SOX5: variants seen among roughly 807,000 people sequenced by gnomAD.
The protein encoded by SOX5 is transcription factor SOX-5.
SOX5 carries 9 observed loss-of-function variants against 92.0 expected under a neutral mutation model. That is an observed-to-expected ratio of 0.10 (90% CI 0.06 to 0.17). The LOEUF (loss-of-function observed/expected upper bound fraction) is 0.17. Ranked by LOEUF, SOX5 falls within the 10% of genes least tolerant of loss-of-function variation. The pLI is 1.00. For missense variants in SOX5, 642 were observed against 944.5 expected, an observed-to-expected ratio of 0.68 and a Z score of 4.20; for synonymous variants, 344 against 336.3, an observed-to-expected ratio of 1.02 and a Z score of -0.25.
chr12:24,383,658 T>C (rs1381151332), intron 1 of SOX5, among the ~76,000 whole-genome samples: 2 of 152,178 alleles, frequency 1.3e-5, no homozygotes, highest in African/African-American at 2.4e-5. Context: ...TCCAGCGTCA[T>C]GGTATCACCA....
chr12:23,762,611 A>AG (rs1250523578), intron 3 of SOX5: 9 of 430,352 alleles, frequency 2.1e-5, no homozygotes, highest in East Asian at 1.8e-4. Flanking sequence ...TTAATACAAA[A>AG]AGAAAAAAAA....
At chr12:24,111,276 C>A (rs1343409004) in intron 4 of SOX5, among the ~76,000 whole-genome samples, 2 of 152,114 alleles carry the variant, frequency 1.3e-5, no homozygotes, top group Non-Finnish European at 2.9e-5. Context: ...TACACATTAC[C>A]TAACACCTGT....
At chr12:24,159,151 A>G (rs1418327733) in intron 4 of SOX5, among the ~76,000 whole-genome samples, 1 of 151,412 alleles carries the variant, frequency 6.6e-6, no homozygotes, top group African/African-American at 2.4e-5. Context: ...TGACTTCTTG[A>G]CAAGTCTTTA....
chr12:24,069,604 G>C (rs1341792861), intron 4 of SOX5, among the ~76,000 whole-genome samples: 1 of 152,172 alleles, frequency 6.6e-6, no homozygotes, highest in Non-Finnish European at 1.5e-5. Context: ...AAATCCCCTA[G>C]TTAGAGATCA....
At chr12:24,305,296 C>G (rs1180552810) in intron 2 of SOX5, among the ~76,000 whole-genome samples, 1 of 152,142 alleles carries the variant, frequency 6.6e-6, no homozygotes, top group African/African-American at 2.4e-5. Context: ...CTTGAACACG[C>G]CTAAGTGTAA....
chr12:24,287,448 C>T (rs1218078530), intron 2 of SOX5, among the ~76,000 whole-genome samples: 1 of 152,116 alleles, frequency 6.6e-6, no homozygotes, highest in African/African-American at 2.4e-5. Context: ...GTGCTGCTTC[C>T]TTGCCGCTGT....
chr12:24,266,471 A>T (rs1220108798), intron 3 of SOX5, among the ~76,000 whole-genome samples: 1 of 152,186 alleles, frequency 6.6e-6, no homozygotes, highest in Non-Finnish European at 1.5e-5. Context: ...GAGAGGCTTC[A>T]TCTCACCGGA....
At chr12:24,392,628 A>T (rs949913900) in intron 1 of SOX5, among the ~76,000 whole-genome samples, 2 of 151,876 alleles carry the variant, frequency 1.3e-5, no homozygotes, top group African/African-American at 2.4e-5. Flanking sequence ...TATTTCTTTC[A>T]TCTGATTAAT....
intron 3 of SOX5, among the ~76,000 whole-genome samples, chr12:23,805,973 G>T (rs1038070622): frequency 6.6e-6 from 1 of 152,082 alleles, no homozygotes; most frequent in Non-Finnish European, 1.5e-5. Flanking sequence ...TACATACTTA[G>T]GTTATATCAA....
At chr12:23,791,376 A>T (rs1027068413) in intron 3 of SOX5, among the ~76,000 whole-genome samples, 2 of 152,198 alleles carry the variant, frequency 1.3e-5, no homozygotes, top group Non-Finnish European at 2.9e-5. Flanking sequence ...ATCATAGCAT[A>T]CTACAGCCTC....
At chr12:23,749,660 C>T (rs576228699) in intron 4 of SOX5, among the ~76,000 whole-genome samples, 3 of 151,920 alleles carry the variant, frequency 2.0e-5, no homozygotes, top group South Asian at 4.1e-4. Context: ...AAAAGTATTG[C>T]TCTATAAAAC....
In SOX5 at chr12:24,128,973, CT is replaced by C. The variant is rs557033090; in HGVS notation, c.-2+84369del. 2.3e-3 allele frequency among the ~76,000 whole-genome samples: 356 copies of C among 152,212 alleles called. 5 individuals carry two copies. The highest frequency in any genetic ancestry group is 0.021 in the Admixed American group (321 of 15,288). ...TAGAAATGGAGAGCTTCAAGATATA[CT>C]TTGTGAATAGAAACACTGGGATTTG... On this transcript the variant is annotated intron_variant, in intron 4 of 4. Coordinates refer to the SOX5 transcript ENST00000446891.
intron 1 of SOX5, among the ~76,000 whole-genome samples, chr12:23,907,952 A>T (rs1057272754): frequency 6.6e-6 from 1 of 152,176 alleles, no homozygotes; most frequent in Non-Finnish European, 1.5e-5. Context: ...TATTTTGAGC[A>T]TCTTCCCTGA....
intron 3 of SOX5, among the ~76,000 whole-genome samples, chr12:23,783,113 A>G (rs543389592): frequency 6.6e-6 from 1 of 152,298 alleles, no homozygotes; most frequent in East Asian, 1.9e-4. Flanking sequence ...CACTTTCTTC[A>G]AGGCATATAC....
At position 24,411,243 on chromosome 12, in the gene SOX5, G is replaced by C. The variant is rs139226718; in HGVS notation, c.-250-42604C>G. 2.7e-3 allele frequency among the ~76,000 whole-genome samples: 410 copies of C among 151,272 alleles called. 2 individuals are homozygous for C. The highest frequency in any genetic ancestry group is 5.2e-3 in the Non-Finnish European group (355 of 67,810). On this transcript the variant is annotated intron_variant, in intron 1 of 4. Coordinates refer to the SOX5 transcript ENST00000446891. ...CCATGAGATTTTCCACATAAACAAT[G>C]ATATCAAATGAAAAATAGGGACAGT...
intron 4 of SOX5, among the ~76,000 whole-genome samples, chr12:24,069,004 G>T (rs943662848): frequency 3.3e-5 from 5 of 150,198 alleles, no homozygotes; most frequent in African/African-American, 4.9e-5. Context: ...AAAAAAAAAA[G>T]TTGAAAATTA....
intron 1 of SOX5, among the ~76,000 whole-genome samples, chr12:24,390,792 A>G (rs564881549): frequency 6.6e-6 from 1 of 152,228 alleles, no homozygotes; most frequent in Admixed American, 6.5e-5. Flanking sequence ...GCATGTGTAC[A>G]TATGTGTGTG....
At chr12:23,945,250 T>C (rs111798704) in intron 1 of SOX5, among the ~76,000 whole-genome samples, 3 of 152,322 alleles carry the variant, frequency 2.0e-5, no homozygotes, top group African/African-American at 7.2e-5. Context: ...ATGTCTCTCA[T>C]GTATGATGCG....
intron 2 of SOX5, among the ~76,000 whole-genome samples, chr12:24,300,552 C>T (rs1947831222): frequency 6.6e-6 from 1 of 152,184 alleles, no homozygotes; most frequent in Non-Finnish European, 1.5e-5. Context: ...TTGTAAAGAT[C>T]CTATAGCATT....
Sources: allele counts gnomAD v4.1 joint callset (sites outside exome capture counted in the v4.1 genomes callset), GRCh38; gene constraint gnomAD v4.1.1; transcripts MANE v1.5; gene names NCBI Gene and HGNC (gene_info 2026-07-23, HGNC 2026-07-21).